Variants in CD8B observed in about 807,000 individuals in gnomAD.
CD8B encodes the protein T-cell surface glycoprotein CD8 beta chain.
CD8B carries 6 observed loss-of-function variants against 24.2 expected under a neutral mutation model. The observed-to-expected ratio is 0.25, with a 90% CI of 0.14 to 0.49. The LOEUF is 0.49. Ranked by LOEUF, CD8B falls within the 20% of genes least tolerant of loss-of-function variation. CD8B has a pLI of 0.98. For missense variants in CD8B, 196 were observed against 271.3 expected (o/e 0.72, Z 1.95); for synonymous variants, 84 against 108.3 (o/e 0.78, Z 1.39).
chr2:86,831,533 T>G (rs1352694637), intron 5 of CD8B, among the ~76,000 whole-genome samples: 1 of 152,246 alleles, frequency 6.6e-6, no homozygotes, highest in Non-Finnish European at 1.5e-5. Flanking sequence ...GAGAAACTTC[T>G]TTTGCCTTTG....
intron 5 of CD8B, among the ~76,000 whole-genome samples, chr2:86,827,334 T>C (rs1305500774): frequency 6.6e-6 from 1 of 151,848 alleles, no homozygotes; most frequent in Non-Finnish European, 1.5e-5. Flanking sequence ...GGTAGTTAAA[T>C]GTGGGCTGGG....
chr2:86,823,007 A>T (rs1674536717), intron 5 of CD8B, among the ~76,000 whole-genome samples: 2 of 152,180 alleles, frequency 1.3e-5, no homozygotes, highest in South Asian at 4.1e-4. Flanking sequence ...AGTCATTTCT[A>T]AGTATACACT....
At chr2:86,815,763 C>A in intron 5 of CD8B, 1 of 1,024,612 alleles carries the variant, frequency 9.8e-7, no homozygotes, top group South Asian at 1.3e-5. Context: ...TGCACCAAGT[C>A]AAGGTGTTGG....
At chr2:86,824,758 G>C (rs961527639) in intron 5 of CD8B, among the ~76,000 whole-genome samples, 1 of 152,242 alleles carries the variant, frequency 6.6e-6, no homozygotes, top group East Asian at 1.9e-4. Context: ...GCCTTGTCTC[G>C]ACCTTGCTTA....
In CD8B at chr2:86,841,831, C is replaced by A; in HGVS notation, c.*476G>T. ...ACAGCCCCTCTCAGCAAGCCTCATT[C>A]CCAACCTGCACCTGGCCTCTCTGCG... is the stretch of plus-strand genomic sequence containing the variant. On this transcript the variant is annotated 3_prime_UTR_variant, in exon 6 of 6. Coordinates refer to ENST00000390655, the MANE Select transcript of CD8B (RefSeq NM_004931.5). 1 of 986,094 alleles carries A rather than the reference C, an allele frequency of 1.0e-6. No homozygotes were observed. The highest frequency in any genetic ancestry group is 1.1e-4 in the East Asian group (1 of 8,808). The allele number at this position is 986,094 out of a possible 1,614,324, so 61.1% of individuals were successfully genotyped here. A position where few individuals can be genotyped will look rare whatever the true frequency, so the allele number is the denominator to read the frequency against.
chr2:86,859,418 G>C (rs1558764818), intron 1 of CD8B, among the ~76,000 whole-genome samples: 1 of 152,158 alleles, frequency 6.6e-6, no homozygotes, highest in Admixed American at 6.5e-5. Flanking sequence ...TGAGACCTCA[G>C]GCCAGTCACC....
At chr2:86,853,251 G>A (rs1431541655) in intron 2 of CD8B, among the ~76,000 whole-genome samples, 165 bp from the exon 3 acceptor site, 4 of 151,928 alleles carry the variant, frequency 2.6e-5, no homozygotes, top group Non-Finnish European at 5.9e-5. Flanking sequence ...AGACCAGCCT[G>A]GGCAACATGG....
At position 86,818,840 on chromosome 2, in the gene CD8B, C is replaced by G. The variant is rs562820760; in HGVS notation, c.621-3122G>C. On this transcript the variant is annotated intron_variant, in intron 5 of 5. Transcript: ENST00000331469. ...GAGGAAGGGATGCTGAAAGTGGAGA[C>G]AGGCTGAAAGCTAGGTCTCTTGTGT... 2.6e-5 allele frequency among the ~76,000 whole-genome samples: 4 copies of G among 152,310 alleles called. No homozygotes were observed. The South Asian group carries it at 8.3e-4, about 32-fold the overall frequency.
intron 2 of CD8B, among the ~76,000 whole-genome samples, chr2:86,855,569 T>G (rs930441405): frequency 1.5e-4 from 23 of 152,228 alleles, no homozygotes; most frequent in Non-Finnish European, 1.2e-4. Context: ...GCAAAGATTT[T>G]CTGACAAAAG....
intron 1 of CD8B, among the ~76,000 whole-genome samples, chr2:86,858,979 C>T (rs1025601058): frequency 1.3e-5 from 2 of 152,006 alleles, no homozygotes; most frequent in Non-Finnish European, 2.9e-5. Flanking sequence ...TGTTCAAAGT[C>T]CCACTTACAG....
At chr2:86,857,296 C>T (rs1406868972) in intron 2 of CD8B, among the ~76,000 whole-genome samples, 4 of 152,220 alleles carry the variant, frequency 2.6e-5, no homozygotes, top group Non-Finnish European at 5.9e-5. Context: ...TGAGGGCCTC[C>T]TTTCCCTGTG....
chr2:86,823,822 G>A (rs1293954913), intron 5 of CD8B, among the ~76,000 whole-genome samples: 2 of 152,134 alleles, frequency 1.3e-5, no homozygotes, highest in Non-Finnish European at 2.9e-5. Flanking sequence ...CGGAGAGTGA[G>A]AAGTGCTGTA....
chr2:86,826,585 A>C (rs531717355), intron 5 of CD8B, among the ~76,000 whole-genome samples: 7 of 152,180 alleles, frequency 4.6e-5, no homozygotes, highest in African/African-American at 1.7e-4. Flanking sequence ...CGACCATCTT[A>C]ATCCTGCCTG....
intron 5 of CD8B, among the ~76,000 whole-genome samples, chr2:86,824,890 T>C (rs1674617690): frequency 6.6e-6 from 1 of 152,238 alleles, no homozygotes; most frequent in Non-Finnish European, 1.5e-5. Context: ...ACCAAGTAAA[T>C]GACCACAGCT....
At chr2:86,832,865 A>G (rs1429491088) in intron 5 of CD8B, 1 of 182,672 alleles carries the variant, frequency 5.5e-6, no homozygotes, top group Non-Finnish European at 1.2e-5. Flanking sequence ...AATGAAATTT[A>G]TCCCTTTTCC....
chr2:86,829,096 T>C (rs993870064), intron 5 of CD8B, among the ~76,000 whole-genome samples: 2 of 36,402 alleles, frequency 5.5e-5, no homozygotes, highest in African/African-American at 1.5e-4. Flanking sequence ...TGCTCTTTAC[T>C]TTTTTTTTTT....
At chr2:86,858,023 G>A (rs376976072) in intron 2 of CD8B, 34 bp downstream of exon 2, 292 of 1,601,508 alleles carry the variant, frequency 1.8e-4, no homozygotes, top group Non-Finnish European at 2.4e-4. Context: ...GCACACAATC[G>A]GTGCTCACTG....
chr2:86,843,098 C>CT (rs899717548), intron 5 of CD8B, among the ~76,000 whole-genome samples: 190 of 147,424 alleles, frequency 1.3e-3, no homozygotes, highest in East Asian at 9.8e-4. Context: ...AAGGAACTTT[C>CT]TTTTTTTTTT....
chr2:86,817,875 T>C (rs900291732), intron 5 of CD8B, among the ~76,000 whole-genome samples: 1 of 152,228 alleles, frequency 6.6e-6, no homozygotes, highest in South Asian at 2.1e-4. Flanking sequence ...ATATTTGGCA[T>C]AATTCATAAT....
Sources: gnomAD v4.1 joint callset for allele counts (sites outside exome capture counted in the v4.1 genomes callset) on GRCh38, gnomAD v4.1.1 for gene constraint, MANE v1.5 for transcripts, NCBI Gene and HGNC (gene_info 2026-07-23, HGNC 2026-07-21) for gene names.